HCRTR2: variants seen among roughly 807,000 people sequenced by gnomAD.
HCRTR2 encodes orexin receptor type 2.
A neutral mutation model predicts 49.0 loss-of-function variants in HCRTR2; 22 were observed. The observed-to-expected ratio is 0.45, with a 90% confidence interval of 0.32 to 0.64. The LOEUF is 0.64. Ranked by LOEUF, HCRTR2 falls within the 30% of genes least tolerant of loss-of-function variation. The probability of loss-of-function intolerance (pLI) is 0.04; values close to 1 mark genes in which losing one functional copy is unlikely to be tolerated. For synonymous variants in HCRTR2, 236 were observed against 205.3 expected (o/e 1.15, Z -1.28); for missense variants, 491 against 559.4 (o/e 0.88, Z 1.23).
At chr6:55,113,015 A>G (rs924469362) in intron 1 of HCRTR2, among the ~76,000 whole-genome samples, 4 of 152,038 alleles carry the variant, frequency 2.6e-5, no homozygotes, top group African/African-American at 9.7e-5. Flanking sequence ...GCAAACAAAA[A>G]CATAAAATGG....
intron 1 of HCRTR2, among the ~76,000 whole-genome samples, chr6:55,228,821 TA>T (rs898626277): frequency 6.6e-6 from 1 of 152,260 alleles, no homozygotes; most frequent in African/African-American, 2.4e-5. Context: ...CAAGGTTTTT[TA>T]ATCCTATTTT....
At chr6:55,228,218 AG>A (rs77107401) in intron 1 of HCRTR2, among the ~76,000 whole-genome samples, 26,319 of 152,120 alleles carry the variant, frequency 0.17, 2,766 homozygotes, top group Non-Finnish European at 0.24. Flanking sequence ...GATAGACAAA[AG>A]TTTTGAAATT....
Position 55,237,564 on chromosome 6 carries a change from C to A in HCRTR2, c.224-11075C>A, listed in dbSNP as rs141090382. 3.4e-3 allele frequency among the ~76,000 whole-genome samples: 521 copies of A among 152,314 alleles called. 1 individual carries two copies. The highest frequency in any genetic ancestry group is 0.012 in the African/African-American group (505 of 41,576). On this transcript the variant is annotated intron_variant, in intron 1 of 6. Transcript: ENST00000370862. The stretch of plus-strand genomic sequence containing the variant: ...ATCAGCTTTGTTCTCTGTTTCTCTT[C>A]TCCTGTTCTTAGCTAGAGTTTGCAA...
chr6:55,171,854 G>A (rs9382459), upstream of HCRTR2, among the ~76,000 whole-genome samples: 4,852 of 152,290 alleles, frequency 0.032, 114 homozygotes, highest in African/African-American at 0.075. Context: ...GAAAGCTAAT[G>A]ACACTGACTA....
In HCRTR2 at chr6:55,214,737, T is replaced by C. The variant is rs572437513; in HGVS notation, c.224-33902T>C. Among the ~76,000 whole-genome samples the C allele has an allele frequency of 3.9e-5, 6 of 152,086 alleles. No individual in the cohort carries two copies. The South Asian group carries it at 1.2e-3, about 32-fold the overall frequency. Reference sequence around the variant, plus strand: ...CCAATTAATGGACAAAATGTAACTATAAGTAAAGAGATACATGTAAAAAGA... The same window carrying C: ...CCAATTAATGGACAAAATGTAACTACAAGTAAAGAGATACATGTAAAAAGA... On this transcript the variant is annotated intron_variant, in intron 1 of 6. Transcript: ENST00000370862.
At chr6:55,177,360 G>A (rs1032536678) in intron 1 of HCRTR2, among the ~76,000 whole-genome samples, 14 of 152,290 alleles carry the variant, frequency 9.2e-5, no homozygotes, top group South Asian at 2.1e-4. Flanking sequence ...TTAAACAAAC[G>A]AGTAGTGTCG....
chr6:55,113,287 A>G (rs1383782344), intron 1 of HCRTR2, among the ~76,000 whole-genome samples: 1 of 152,132 alleles, frequency 6.6e-6, no homozygotes, highest in Non-Finnish European at 1.5e-5. Context: ...ATGAGACTTA[A>G]TTAAACTAAA....
At chr6:55,229,216 A>G (rs1368920271) in intron 1 of HCRTR2, among the ~76,000 whole-genome samples, 2 of 152,160 alleles carry the variant, frequency 1.3e-5, no homozygotes, top group Non-Finnish European at 2.9e-5. Context: ...TGTTTTTGAG[A>G]ATGTGTCTTG....
intron 1 of HCRTR2, among the ~76,000 whole-genome samples, chr6:55,177,277 C>G (rs1362655195): frequency 6.6e-6 from 1 of 152,164 alleles, no homozygotes; most frequent in Non-Finnish European, 1.5e-5. Flanking sequence ...ACACTGAAAT[C>G]CTCTCTGGTT....
chr6:55,154,630 C>T (rs1015701243), intron 1 of HCRTR2, among the ~76,000 whole-genome samples: 2 of 151,576 alleles, frequency 1.3e-5, no homozygotes, highest in East Asian at 3.9e-4. Flanking sequence ...CCCATTCTTG[C>T]TTCTATTCAG....
At chr6:55,237,298 TG>T (rs1267245655) in intron 1 of HCRTR2, among the ~76,000 whole-genome samples, 1 of 152,204 alleles carries the variant, frequency 6.6e-6, no homozygotes, top group Non-Finnish European at 1.5e-5. Flanking sequence ...AATTTGCTTT[TG>T]CTTTGGCCAG....
In HCRTR2 at chr6:55,277,383, C is replaced by T; in HGVS notation, c.766C>T (p.Pro256Ser). The T allele has an allele frequency of 6.2e-7, 1 of 1,612,792 alleles. No individual in the cohort carries two copies. The highest frequency in any genetic ancestry group is 8.5e-7 in the Non-Finnish European group (1 of 1,178,854). The change falls in exon 5 of 7, where the codon CCT (proline) becomes TCT (serine). Residue 256 changes from proline (P) to serine (S), a missense_variant. By Grantham distance (74) the Pro-to-Ser change is moderately conservative. Coordinates refer to ENST00000370862, the MANE Select transcript of HCRTR2 (RefSeq NM_001384272.1). ...IFRKLWCRQI[P>S]GTSSVVQRKW... ...GGTCTGTCTCTTCTCCTTTCAGATC[C>T]CTGGAACATCATCTGTAGTTCAGAG...
At chr6:55,134,831 T>A (rs1208092146) in intron 1 of HCRTR2, among the ~76,000 whole-genome samples, 1 of 152,030 alleles carries the variant, frequency 6.6e-6, no homozygotes, top group Non-Finnish European at 1.5e-5. Context: ...TGTGACTGAA[T>A]AATATTTCAT....
chr6:55,202,622 A>T (rs1765530453), intron 1 of HCRTR2, among the ~76,000 whole-genome samples: 1 of 152,164 alleles, frequency 6.6e-6, no homozygotes. Flanking sequence ...CTCACATGAT[A>T]GAAGGGGCAA....
intron 1 of HCRTR2, among the ~76,000 whole-genome samples, chr6:55,194,223 C>G (rs760508775): frequency 6.6e-6 from 1 of 152,120 alleles, no homozygotes; most frequent in South Asian, 2.1e-4. Context: ...ATTGATAATA[C>G]CTTTAGGATG....
At chr6:55,197,231 TC>T (rs1765432875) in intron 1 of HCRTR2, among the ~76,000 whole-genome samples, 1 of 152,066 alleles carries the variant, frequency 6.6e-6, no homozygotes. Flanking sequence ...CAAACCTACT[TC>T]TAACTCTAAT....
At chr6:55,124,134 A>G (rs1764241572) in intron 1 of HCRTR2, among the ~76,000 whole-genome samples, 1 of 151,814 alleles carries the variant, frequency 6.6e-6, no homozygotes, top group South Asian at 2.1e-4. Context: ...CTATGATCTT[A>G]GTTATTTCTT....
chr6:55,148,031 G>C (rs907474643), intron 1 of HCRTR2, among the ~76,000 whole-genome samples: 2 of 152,058 alleles, frequency 1.3e-5, no homozygotes, highest in African/African-American at 4.8e-5. Flanking sequence ...ACTTTAGTTA[G>C]AGTTTGTTGT....
At chr6:55,143,853 T>G (rs1764542550) in intron 1 of HCRTR2, among the ~76,000 whole-genome samples, 1 of 152,212 alleles carries the variant, frequency 6.6e-6, no homozygotes, top group Admixed American at 6.5e-5. Context: ...TCACTGCAGC[T>G]TTTCTATGAT....
Sources: allele counts gnomAD v4.1 joint callset (sites outside exome capture counted in the v4.1 genomes callset), GRCh38; gene constraint gnomAD v4.1.1; transcripts MANE v1.5; gene names NCBI Gene and HGNC (gene_info 2026-07-23, HGNC 2026-07-21).